MAD1L1: variants seen among roughly 807,000 people sequenced by gnomAD.
MAD1L1 encodes mitotic spindle assembly checkpoint protein MAD1.
MAD1L1 carries 95 observed loss-of-function variants against 96.9 expected under a neutral mutation model. The observed-to-expected ratio is 0.98, with a 90% CI of 0.83 to 1.16. MAD1L1 has a LOEUF of 1.16. Ranked by LOEUF, MAD1L1 falls within the 50% of genes most tolerant of loss-of-function variation. The probability of loss-of-function intolerance (pLI) is 0.00; values close to 1 mark genes in which losing one functional copy is unlikely to be tolerated. For missense variants in MAD1L1, 1,007 were observed against 954.4 expected, an observed-to-expected ratio of 1.06 and a Z score of -0.73; for synonymous variants, 473 against 396.6, an observed-to-expected ratio of 1.19 and a Z score of -2.29.
chr7:1,871,331 C>T (rs1315241184), intron 18 of MAD1L1, among the ~76,000 whole-genome samples: 1 of 146,374 alleles, frequency 6.8e-6, no homozygotes, highest in African/African-American at 2.5e-5. Flanking sequence ...CACGCTGAAC[C>T]CACCGTAACA....
chr7:2,151,908 G>A (rs891216303), intron 10 of MAD1L1, among the ~76,000 whole-genome samples: 1 of 152,218 alleles, frequency 6.6e-6, no homozygotes, highest in Non-Finnish European at 1.5e-5. Context: ...TTCTGGCACT[G>A]ATGGGCCACA....
At position 1,859,201 on chromosome 7, in the gene MAD1L1, G is replaced by A. The variant is rs1033646700; in HGVS notation, c.1998+38999C>T. ...GGGCTTCCCCAGCCTGCCTCCCCCT[G>A]GTGTGAAGGAAGAGCCACTTCCCAG... On this transcript the variant is annotated intron_variant, in intron 18 of 18. Coordinates refer to ENST00000265854, the MANE Select transcript of MAD1L1 (RefSeq NM_001013836.2). 4.6e-5 allele frequency among the ~76,000 whole-genome samples: 7 copies of A among 152,220 alleles called. No homozygotes were observed. In the East Asian group the frequency reaches 1.3e-3, roughly 29 times the overall value.
intron 18 of MAD1L1, among the ~76,000 whole-genome samples, chr7:1,843,910 G>T (rs1472786433): frequency 6.6e-6 from 1 of 152,210 alleles, no homozygotes; most frequent in Non-Finnish European, 1.5e-5. Context: ...TTCCACTTCA[G>T]CCACGGCCAC....
At position 1,863,324 on chromosome 7, in the gene MAD1L1, G is replaced by T. The variant is rs556204841; in HGVS notation, c.1998+34876C>A. ...TCTAGTTAGGCACTGGTGAGGGTCCGCAGAGAGCCTGTTAACAGTCTGGCT... is the reference window on the plus strand; with the variant it reads ...TCTAGTTAGGCACTGGTGAGGGTCCTCAGAGAGCCTGTTAACAGTCTGGCT... On this transcript the variant is annotated intron_variant, in intron 18 of 18. Transcript: ENST00000265854. Among the ~76,000 whole-genome samples the T allele has an allele frequency of 3.3e-5, 5 of 152,390 alleles. No individual in the cohort carries two copies. In the South Asian group the frequency reaches 1.0e-3, roughly 32 times the overall value.
intron 12 of MAD1L1, among the ~76,000 whole-genome samples, chr7:2,065,725 G>C (rs573346960): frequency 1.3e-5 from 2 of 152,206 alleles, no homozygotes; most frequent in African/African-American, 4.8e-5. Context: ...GCCACGACGT[G>C]AGTCCGACGC....
chr7:1,883,857 G>A (rs1785839527), intron 18 of MAD1L1, among the ~76,000 whole-genome samples: 1 of 152,210 alleles, frequency 6.6e-6, no homozygotes, highest in Admixed American at 6.5e-5. Flanking sequence ...GACCGGAGCA[G>A]GAGCCTCGAG....
Position 2,213,063 on chromosome 7 carries a change from T to G in MAD1L1, c.986+149A>C, listed in dbSNP as rs187989737. ...GCCCCATCCGCTGGGAAAGGCCTCA[T>G]TAAACCTGAGCAGCCCAGGACAAAT... On this transcript the variant is annotated intron_variant, in intron 10 of 18. Coordinates refer to ENST00000265854, the MANE Select transcript of MAD1L1 (RefSeq NM_001013836.2). 248 of 740,828 alleles carry G rather than the reference T, an allele frequency of 3.3e-4. 4 individuals carry two copies. The East Asian group carries it at 6.6e-3, about 20-fold the overall frequency. The allele number at this position is 740,828 out of a possible 1,614,324, so 45.9% of individuals were successfully genotyped here.
chr7:1,916,466 G>A (rs1788402032), intron 17 of MAD1L1, among the ~76,000 whole-genome samples: 1 of 152,208 alleles, frequency 6.6e-6, no homozygotes, highest in Non-Finnish European at 1.5e-5. Flanking sequence ...ATGGCACGAG[G>A]CGGGGACAGC....
chr7:1,959,409 G>C (rs929338743), intron 15 of MAD1L1, among the ~76,000 whole-genome samples: 5 of 152,186 alleles, frequency 3.3e-5, no homozygotes, highest in South Asian at 4.1e-4. Flanking sequence ...AATACTATAA[G>C]AAAGTTCCAC....
At chr7:2,133,585 CTG>C (rs1562717924) in intron 11 of MAD1L1, among the ~76,000 whole-genome samples, 1 of 152,248 alleles carries the variant, frequency 6.6e-6, no homozygotes, top group African/African-American at 2.4e-5. Context: ...TTCTTTCAGA[CTG>C]TGCCTTTGGT....
In MAD1L1 at chr7:2,002,135, C is replaced by T; in HGVS notation, c.1360-14G>A. The T allele has an allele frequency of 6.2e-7, 1 of 1,612,616 alleles. No individual in the cohort carries two copies. The stretch of plus-strand genomic sequence containing the variant: ...CGACAGCTGAGCCTGCAAGACAAGA[C>T]AGGATTCGGCCTGAGACTGTGGTGG... On this transcript the variant is annotated splice_polypyrimidine_tract_variant and intron_variant, in intron 13 of 18. Coordinates refer to ENST00000265854, the MANE Select transcript of MAD1L1 (RefSeq NM_001013836.2).
intron 10 of MAD1L1, among the ~76,000 whole-genome samples, chr7:2,186,575 C>G (rs1271977068): frequency 6.6e-6 from 1 of 152,158 alleles, no homozygotes. Flanking sequence ...CACTTTAATT[C>G]TGTACTGTTT....
At chr7:2,134,566 T>G (rs1788665120) in intron 11 of MAD1L1, among the ~76,000 whole-genome samples, 1 of 152,212 alleles carries the variant, frequency 6.6e-6, no homozygotes, top group South Asian at 2.1e-4. Context: ...CGAGAAAGCT[T>G]CTAGTTTCTT....
At chr7:1,897,901 G>A (rs1170873242) in intron 18 of MAD1L1, among the ~76,000 whole-genome samples, 6 of 152,342 alleles carry the variant, frequency 3.9e-5, no homozygotes, top group Middle Eastern at 3.4e-3. Flanking sequence ...GCCTACGGCC[G>A]CAGCCCTCAT....
intron 11 of MAD1L1, among the ~76,000 whole-genome samples, chr7:2,139,932 G>T (rs1788942384): frequency 6.6e-6 from 1 of 152,042 alleles, no homozygotes; most frequent in South Asian, 2.1e-4. Flanking sequence ...ACCAAGTAGA[G>T]TCTCTTTCCC....
intron 18 of MAD1L1, among the ~76,000 whole-genome samples, chr7:1,842,723 C>T (rs1471019337): frequency 6.6e-6 from 1 of 152,248 alleles, no homozygotes. Context: ...TCCCACTCCT[C>T]ACCTGGGCCC....
At chr7:1,840,148 C>G (rs549585365) in intron 18 of MAD1L1, among the ~76,000 whole-genome samples, 1 of 152,222 alleles carries the variant, frequency 6.6e-6, no homozygotes, top group Non-Finnish European at 1.5e-5. Flanking sequence ...CTGACACTCT[C>G]TTTCCCCAAC....
chr7:1,954,211 C>T (rs183772255), intron 16 of MAD1L1, among the ~76,000 whole-genome samples: 54 of 152,288 alleles, frequency 3.5e-4, no homozygotes, highest in Non-Finnish European at 6.0e-4. Flanking sequence ...AGGCCTGGTT[C>T]ACCAGGTATG....
chr7:2,216,373 G>A (rs910838060), intron 7 of MAD1L1, 86 bp from the exon 8 acceptor site: 3 of 1,405,364 alleles, frequency 2.1e-6, no homozygotes, highest in Non-Finnish European at 2.9e-6. Context: ...CTAAGAGAAG[G>A]AAGCCGGTCT....
Sources: allele counts gnomAD v4.1 joint callset (sites outside exome capture counted in the v4.1 genomes callset), GRCh38; gene constraint gnomAD v4.1.1; transcripts MANE v1.5; gene names NCBI Gene and HGNC (gene_info 2026-07-23, HGNC 2026-07-21).